Variants in PBX3 observed in about 807,000 individuals in gnomAD.
PBX3 encodes PBX homeobox 3, also known as pre-B-cell leukemia transcription factor 3.
In PBX3, 14 loss-of-function variants were observed where a neutral mutation model predicts 48.5. That is an observed-to-expected ratio of 0.29 (90% CI 0.19 to 0.45). The LOEUF (loss-of-function observed/expected upper bound fraction) is 0.45, where lower values mean the gene tolerates loss of function less well. Ranked by LOEUF, PBX3 falls within the 20% of genes least tolerant of loss-of-function variation. The pLI is 1.00. For missense variants in PBX3, 386 were observed against 546.7 expected, an observed-to-expected ratio of 0.71 and a Z score of 2.93; for synonymous variants, 210 against 200.3, an observed-to-expected ratio of 1.05 and a Z score of -0.41.
chr9:125,879,852 G>A (rs958937696), intron 2 of PBX3, among the ~76,000 whole-genome samples: 1 of 151,684 alleles, frequency 6.6e-6, no homozygotes, highest in Non-Finnish European at 1.5e-5. Context: ...AGTTTTTCTG[G>A]TATAGCTAAA....
chr9:125,816,687 C>CT (rs1838473907), intron 2 of PBX3, among the ~76,000 whole-genome samples: 1 of 152,116 alleles, frequency 6.6e-6, no homozygotes, highest in African/African-American at 2.4e-5. Flanking sequence ...ATATTATACT[C>CT]TTTTGACTGG....
intron 3 of PBX3, among the ~76,000 whole-genome samples, chr9:125,923,487 C>T (rs995244105): frequency 6.6e-6 from 1 of 152,026 alleles, no homozygotes. Flanking sequence ...TTCGTAAAAG[C>T]GTTTGGGTTG....
chr9:125,902,077 G>T (rs1249132891), intron 2 of PBX3, among the ~76,000 whole-genome samples: 1 of 150,794 alleles, frequency 6.6e-6, no homozygotes, highest in African/African-American at 2.4e-5. Flanking sequence ...AAAACAACTT[G>T]TGGTTTTTTT....
chr9:125,810,803 A>C (rs1394228263), intron 2 of PBX3, among the ~76,000 whole-genome samples: 1 of 152,152 alleles, frequency 6.6e-6, no homozygotes, highest in Non-Finnish European at 1.5e-5. Flanking sequence ...GCTGTGTGGA[A>C]TCTGTCCTGA....
At chr9:125,820,910 A>T (rs1838631816) in intron 2 of PBX3, among the ~76,000 whole-genome samples, 1 of 152,256 alleles carries the variant, frequency 6.6e-6, no homozygotes, top group African/African-American at 2.4e-5. Flanking sequence ...TCTTTTTAAA[A>T]GTAGTATTGC....
rs1231324800 is a variant in PBX3, at chr9:125,747,504, T to A, written c.51T>A (p.Ala17=). 1.3e-6 allele frequency: 2 copies of A among 1,587,778 alleles called. No homozygotes were observed. Among genetic ancestry groups the A allele is most frequent in the South Asian group, 2.3e-5 (2 of 88,616 alleles). ...MLQTLAGVNL[A]GHSVQGGMAL... is the part of the protein sequence containing the mutation. Reference sequence around the variant, plus strand: ...AGACTCTGGCCGGGGTGAACCTGGCTGGCCACTCGGTGCAGGGGGGCATGG... The same window carrying A: ...AGACTCTGGCCGGGGTGAACCTGGCAGGCCACTCGGTGCAGGGGGGCATGG... Residue 17 remains alanine (A), a synonymous_variant, in exon 1 of 9, where the codon GCT becomes GCA. Transcript: ENST00000373489.
chr9:125,821,931 T>C (rs1838664327), intron 2 of PBX3, among the ~76,000 whole-genome samples: 1 of 152,100 alleles, frequency 6.6e-6, no homozygotes, highest in Admixed American at 6.6e-5. Flanking sequence ...TGGTCTTGAA[T>C]TGATTATGTT....
intron 2 of PBX3, among the ~76,000 whole-genome samples, chr9:125,755,401 AGT>A (rs1836487009): frequency 6.6e-6 from 1 of 152,118 alleles, no homozygotes; most frequent in Non-Finnish European, 1.5e-5. Context: ...GTAGTAAAAC[AGT>A]GTGCGGTAAA....
chr9:125,921,354 T>C (rs1224793359), intron 3 of PBX3, among the ~76,000 whole-genome samples: 1 of 152,134 alleles, frequency 6.6e-6, no homozygotes, highest in Non-Finnish European at 1.5e-5. Context: ...TTGGAAGCAG[T>C]TTTTGTACTT....
At chr9:125,815,165 GT>G (rs2132138917) in intron 2 of PBX3, among the ~76,000 whole-genome samples, 1 of 152,122 alleles carries the variant, frequency 6.6e-6, no homozygotes, top group Non-Finnish European at 1.5e-5. Flanking sequence ...AACTTTCTGG[GT>G]CAATCCATTT....
At chr9:125,809,219 TC>T (rs577971627) in intron 2 of PBX3, among the ~76,000 whole-genome samples, 107 of 152,352 alleles carry the variant, frequency 7.0e-4, no homozygotes, top group African/African-American at 2.5e-3. Context: ...TTTTCACTGT[TC>T]CTTGCATATG....
intron 3 of PBX3, among the ~76,000 whole-genome samples, chr9:125,920,628 A>G (rs1841437658): frequency 6.6e-6 from 1 of 152,252 alleles, no homozygotes; most frequent in African/African-American, 2.4e-5. Context: ...TAGAGATGAC[A>G]TATTGAAAGC....
chr9:125,879,116 C>T lies in PBX3; in HGVS notation c.275-36570C>T, dbSNP rs369928246. 9.5e-5 allele frequency among the ~76,000 whole-genome samples: 12 copies of T among 126,134 alleles called. 1 individual carries two copies. The highest frequency in any genetic ancestry group is 4.7e-4 in the East Asian group (2 of 4,228). 82.7% of individuals were successfully genotyped at this position (126,134 alleles called of 152,430 possible). On this transcript the variant is annotated intron_variant, in intron 2 of 8. Transcript: ENST00000373489. ...TTTTTGAGATGGAGTCTCACTCTGT[C>T]GCCCAGGCTGGAGTGCAGTGGTGCA...
intron 2 of PBX3, among the ~76,000 whole-genome samples, chr9:125,752,004 G>A (rs533383030): frequency 7.9e-5 from 12 of 152,056 alleles, no homozygotes; most frequent in African/African-American, 2.4e-4. Context: ...TTTTTTAAAT[G>A]AAATCCCACA....
chr9:125,948,912 A>G (rs1265589687), intron 5 of PBX3, among the ~76,000 whole-genome samples: 3 of 152,236 alleles, frequency 2.0e-5, no homozygotes, highest in African/African-American at 2.4e-5. Flanking sequence ...GACTACAGAC[A>G]TGAGCCACCA....
At chr9:125,793,375 A>ATATG (rs1837678961) in intron 2 of PBX3, among the ~76,000 whole-genome samples, 1 of 135,966 alleles carries the variant, frequency 7.4e-6, no homozygotes, top group South Asian at 2.3e-4. Context: ...AAATATATAT[A>ATATG]TATATATATA....
chr9:125,936,555 A>G (rs1375186371), intron 5 of PBX3, among the ~76,000 whole-genome samples: 2 of 152,214 alleles, frequency 1.3e-5, no homozygotes, highest in Non-Finnish European at 2.9e-5. Context: ...ATAAAGTTCA[A>G]GATACTAAAG....
At position 125,792,064 on chromosome 9, in the gene PBX3, ACG is replaced by A. The variant is rs1564657230; in HGVS notation, c.274+43443_274+43444del. 8.9e-3 allele frequency among the ~76,000 whole-genome samples: 1,350 copies of A among 152,054 alleles called. 29 individuals carry two copies. The highest frequency in any genetic ancestry group is 0.031 in the African/African-American group (1,264 of 41,438). ...CACACACGCACGCACGCACGCACGC[ACG>A]CACGCACGCATATAAATAAATAAAT... On this transcript the variant is annotated intron_variant, in intron 2 of 8. Coordinates refer to ENST00000373489, the MANE Select transcript of PBX3 (RefSeq NM_006195.6).
chr9:125,940,253 A>G (rs1365868159), intron 5 of PBX3, among the ~76,000 whole-genome samples: 1 of 152,168 alleles, frequency 6.6e-6, no homozygotes, highest in Non-Finnish European at 1.5e-5. Flanking sequence ...GAGTTTCAGT[A>G]TTACTAACAG....
Sources: allele counts gnomAD v4.1 joint callset (sites outside exome capture counted in the v4.1 genomes callset), GRCh38; gene constraint gnomAD v4.1.1; transcripts MANE v1.5; gene names NCBI Gene and HGNC (gene_info 2026-07-23, HGNC 2026-07-21).